Variants in TBL1X observed in about 807,000 individuals in gnomAD.
TBL1X encodes the protein F-box-like/WD repeat-containing protein TBL1X.
TBL1X carries 10 observed loss-of-function variants against 50.7 expected under a neutral mutation model. That is an observed-to-expected ratio of 0.20 (90% CI 0.12 to 0.33). TBL1X has a LOEUF of 0.33. Among genes scored for constraint, TBL1X ranks in the 10% least tolerant of loss-of-function variants. TBL1X has a pLI of 1.00. For missense variants in TBL1X, 340 were observed against 504.4 expected, an observed-to-expected ratio of 0.67 and a Z score of 3.12; for synonymous variants, 190 against 214.7, an observed-to-expected ratio of 0.88 and a Z score of 1.01.
chrX:9,471,977 C>T (rs775555791), intron 1 of TBL1X, among the ~76,000 whole-genome samples: 1 of 111,212 alleles, frequency 9.0e-6, no homozygotes, highest in Admixed American at 9.6e-5. Context: ...CTCTCCTGCC[C>T]GGTAACCTTC....
intron 3 of TBL1X, among the ~76,000 whole-genome samples, chrX:9,648,700 G>A (rs147976521): frequency 0.013 from 1,460 of 112,368 alleles, 18 homozygotes; most frequent in African/African-American, 0.042. Context: ...ACACCAGTGT[G>A]CCATCACTCA....
chrX:9,691,527 G>A (rs905880687), intron 7 of TBL1X, 52 bp from the exon 8 acceptor site: 5 of 1,179,176 alleles, frequency 4.2e-6, no homozygotes, highest in Admixed American at 2.3e-5. Flanking sequence ...CCCTTTAAGT[G>A]TGTTTCTCTT....
chrX:9,518,680 CTGGGTCAT>C (rs1380289305), intron 2 of TBL1X, among the ~76,000 whole-genome samples: 1 of 111,180 alleles, frequency 9.0e-6, no homozygotes, highest in Admixed American at 9.5e-5. Context: ...AGAGAGGAGG[CTGGGTCAT>C]CTGAAAGATG....
At chrX:9,668,622 T>C (rs2082944231) in intron 5 of TBL1X, among the ~76,000 whole-genome samples, 1 of 112,424 alleles carries the variant, frequency 8.9e-6, no homozygotes, top group South Asian at 3.6e-4. Context: ...AGTATAGTTA[T>C]TTGCATAAGT....
chrX:9,542,647 C>T (rs189047958), intron 2 of TBL1X, among the ~76,000 whole-genome samples: 7 of 111,691 alleles, frequency 6.3e-5, no homozygotes, highest in Admixed American at 9.5e-5. Flanking sequence ...CTTCTCTCAG[C>T]GCTGTTTGTA....
At chrX:9,510,337 G>C (rs956077442) in intron 2 of TBL1X, among the ~76,000 whole-genome samples, 11 of 112,399 alleles carry the variant, frequency 9.8e-5, no homozygotes, top group African/African-American at 2.9e-4. Context: ...TTAGTGCAGA[G>C]CTTGTGTGTG....
chrX:9,679,685 T>C (rs1349783478), intron 5 of TBL1X, among the ~76,000 whole-genome samples: 1 of 111,939 alleles, frequency 8.9e-6, no homozygotes, highest in African/African-American at 3.3e-5. Context: ...TGTTCAGAGA[T>C]GCGGGAAAGC....
intron 2 of TBL1X, among the ~76,000 whole-genome samples, chrX:9,622,234 G>A (rs2082670868): frequency 9.0e-6 from 1 of 110,755 alleles, no homozygotes; most frequent in Non-Finnish European, 1.9e-5. Context: ...GTGGCATTAA[G>A]TACAGTCACC....
Position 9,692,129 on chromosome X carries a change from G to A in TBL1X, c.766G>A (p.Ala256Thr). 6.6e-6 allele frequency: 8 copies of A among 1,211,792 alleles called. No homozygotes were observed. The highest frequency in any genetic ancestry group is 8.9e-6 in the Non-Finnish European group (8 of 895,548). The change falls in exon 9 of 18, where the codon GCA (alanine) becomes ACA (threonine). Residue 256 changes from alanine to threonine, a missense_variant. Coordinates refer to ENST00000645353, the MANE Select transcript of TBL1X (RefSeq NM_005647.4). ...LLASGSGDST[A>T]RIWNLNENSN... ...ATTCTGTAGATCTGGAGACTCAACT[G>A]CAAGGATATGGAACCTGAATGAGAA... is the stretch of plus-strand genomic sequence containing the variant.
chrX:9,716,133 G>C lies in TBL1X; in HGVS notation c.1708-87G>C, dbSNP rs371585324. ...ACATCGGTGGAGGGCTAGATTGGGCGTGGGGGCCGTAGCTTGCCGACTTCT... is the reference window on the plus strand; with the variant it reads ...ACATCGGTGGAGGGCTAGATTGGGCCTGGGGGCCGTAGCTTGCCGACTTCT... On this transcript the variant is annotated intron_variant, in intron 17 of 17. Transcript: ENST00000645353. 10 of 1,013,750 alleles carry C rather than the reference G, an allele frequency of 9.9e-6. No individual in the cohort carries two copies. The East Asian group carries it at 3.1e-4, about 32-fold the overall frequency. The allele number at this position is 1,013,750 out of a possible 1,213,427, so 83.5% of individuals were successfully genotyped here.
intron 2 of TBL1X, among the ~76,000 whole-genome samples, chrX:9,531,923 G>A (rs1050286199): frequency 9.0e-6 from 1 of 110,709 alleles, no homozygotes; most frequent in African/African-American, 3.3e-5. Context: ...TAGTAGAGGT[G>A]GGGTTTCGCC....
Position 9,688,274 on chromosome X carries a change from C to T in TBL1X, c.615C>T (p.Val205=). 1 of 1,172,888 alleles carries T rather than the reference C, an allele frequency of 8.5e-7. No homozygotes were observed. The highest frequency in any genetic ancestry group is 3.0e-5 in the East Asian group (1 of 32,993). ...GGGAAGAGAACAGAGCACATTCAGT[C>T]AGTGAGTGCAGGGGCTCTGGGAGTT... ...VNGEENRAHS[V]NNHAKPMEID... Residue 205 remains valine, a splice_region_variant and synonymous_variant, in exon 7 of 18, where the codon GTC becomes GTT. Transcript: ENST00000645353.
intron 2 of TBL1X, among the ~76,000 whole-genome samples, chrX:9,595,261 G>A (rs1042046023): frequency 7.2e-5 from 8 of 111,553 alleles, no homozygotes; most frequent in South Asian, 3.8e-4. Flanking sequence ...GGGAGAAGAC[G>A]CTGTCAAAAA....
chrX:9,511,030 C>G (rs941850415), intron 2 of TBL1X, among the ~76,000 whole-genome samples: 1 of 112,212 alleles, frequency 8.9e-6, no homozygotes, highest in African/African-American at 3.2e-5. Context: ...TGCTTTCTTG[C>G]CACAGCAGCC....
At chrX:9,675,032 AT>A (rs2082984959) in intron 5 of TBL1X, among the ~76,000 whole-genome samples, 2 of 112,142 alleles carry the variant, frequency 1.8e-5, no homozygotes, top group African/African-American at 6.5e-5. Context: ...CATAACATAC[AT>A]TTAAATAGCT....
intron 1 of TBL1X, among the ~76,000 whole-genome samples, chrX:9,491,706 T>G (rs1039483821): frequency 9.0e-6 from 1 of 110,721 alleles, no homozygotes; most frequent in African/African-American, 3.3e-5. Context: ...GTTTCTAGGC[T>G]TTTGGGGCTG....
chrX:9,511,017 C>A (rs1445063307), intron 2 of TBL1X, among the ~76,000 whole-genome samples: 1 of 112,307 alleles, frequency 8.9e-6, no homozygotes, highest in East Asian at 2.8e-4. Flanking sequence ...TGACTAACAT[C>A]ACTGCTTTCT....
At chrX:9,504,231 A>G (rs2082015234) in intron 2 of TBL1X, among the ~76,000 whole-genome samples, 1 of 112,163 alleles carries the variant, frequency 8.9e-6, no homozygotes, top group South Asian at 3.7e-4. Flanking sequence ...AAAAACAAGC[A>G]GAAAGTGACA....
intron 2 of TBL1X, among the ~76,000 whole-genome samples, chrX:9,627,283 C>G (rs144059809): frequency 9.0e-6 from 1 of 111,614 alleles, no homozygotes; most frequent in Non-Finnish European, 1.9e-5. Context: ...TCATGGAGCT[C>G]GGTCTCCTCA....
Sources: allele counts gnomAD v4.1 joint callset (sites outside exome capture counted in the v4.1 genomes callset), GRCh38; gene constraint gnomAD v4.1.1; transcripts MANE v1.5; gene names NCBI Gene and HGNC (gene_info 2026-07-23, HGNC 2026-07-21).